DDX47: variants seen among roughly 807,000 people sequenced by gnomAD.
DDX47 encodes DEAD-box helicase 47, also known as probable ATP-dependent RNA helicase DDX47.
In DDX47, 60 loss-of-function variants were observed where a neutral mutation model predicts 58.8. The ratio of observed to expected loss-of-function variants is 1.02; its 90% CI spans 0.83 to 1.26. DDX47 has a LOEUF of 1.26. Among genes scored for constraint, DDX47 ranks in the 50% most tolerant of loss-of-function variants. The pLI is 0.00. For missense variants in DDX47, 530 were observed against 573.2 expected (o/e 0.92, Z 0.77); for synonymous variants, 197 against 204.6 (o/e 0.96, Z 0.32).
chr12:12,817,686 T>C (rs1030593131), intron 2 of DDX47, among the ~76,000 whole-genome samples: 3 of 152,252 alleles, frequency 2.0e-5, no homozygotes, highest in East Asian at 3.8e-4. Flanking sequence ...TCTGCTCTTA[T>C]GGAGTTTATG....
At chr12:12,827,961 C>A (rs559061927) in intron 11 of DDX47, among the ~76,000 whole-genome samples, 6 of 148,978 alleles carry the variant, frequency 4.0e-5, no homozygotes, top group Non-Finnish European at 7.4e-5. Flanking sequence ...CCACAACCTC[C>A]GCCTCCCGGG....
At chr12:12,816,240 C>T (rs1021741150) in intron 2 of DDX47, among the ~76,000 whole-genome samples, 5 of 152,150 alleles carry the variant, frequency 3.3e-5, no homozygotes, top group Admixed American at 1.3e-4. Flanking sequence ...GCTCAGGGTA[C>T]GGTTTCAGTT....
At position 12,813,413 on chromosome 12, in the gene DDX47, C is replaced by A. The variant is rs1426279313; in HGVS notation, c.46C>A (p.Pro16Thr). 1 of 1,613,442 alleles carries A rather than the reference C, an allele frequency of 6.2e-7. No homozygotes were observed. The highest frequency in any genetic ancestry group is 8.5e-7 in the Non-Finnish European group (1 of 1,179,692). Residue 16 changes from proline to threonine, a missense_variant, in exon 1 of 12, where the codon CCG (proline) becomes ACG (threonine). Coordinates refer to ENST00000358007, the MANE Select transcript of DDX47 (RefSeq NM_016355.4). ...EHDSPTEASQ[P>T]IVEEEETKTF... ...CGATTCTCCGACCGAAGCGTCCCAG[C>A]CGATTGTGGAAGAGGAGGAAACTAA...
Position 12,823,367 on chromosome 12 carries a change from C to T in DDX47, c.750+48C>T, listed in dbSNP as rs201082954. 72 of 1,125,936 alleles carry T rather than the reference C, an allele frequency of 6.4e-5. No homozygotes were observed. The East Asian group carries it at 1.6e-3, about 25-fold the overall frequency. 69.7% of individuals were successfully genotyped at this position (1,125,936 alleles called of 1,614,324 possible). ...TCCTGCCTCTCCCTCTTCTTTTCAC[C>T]AAAGCATCTGAAAATGTGTCAACTC... On this transcript the variant is annotated intron_variant, in intron 7 of 11. Coordinates refer to ENST00000358007, the MANE Select transcript of DDX47 (RefSeq NM_016355.4).
intron 2 of DDX47, among the ~76,000 whole-genome samples, chr12:12,819,050 G>GT (rs1016194678): frequency 2.6e-5 from 4 of 152,176 alleles, no homozygotes; most frequent in African/African-American, 9.7e-5. Flanking sequence ...ACTGATTAAT[G>GT]TTTAAGAGGT....
intron 11 of DDX47, among the ~76,000 whole-genome samples, chr12:12,828,191 G>T (rs77234621): frequency 0.027 from 4,035 of 152,130 alleles, 188 homozygotes; most frequent in African/African-American, 0.091. Flanking sequence ...AAGGATTGCC[G>T]CAAGTGGAAA....
At chr12:12,822,758 C>A (rs1862992761) in intron 6 of DDX47, 26 bp downstream of exon 6, 30 of 1,583,754 alleles carry the variant, frequency 1.9e-5, no homozygotes, top group Non-Finnish European at 2.5e-5. Context: ...ACTTTTGTTT[C>A]TTCTTTATGA....
In DDX47 at chr12:12,822,026, CAAATACTT is replaced by C. The variant is rs1195621423; in HGVS notation, c.505_512del (p.Lys169GlyfsTer4). The C allele has an allele frequency of 1.2e-6, 2 of 1,613,982 alleles. No individual in the cohort carries two copies. The highest frequency in any genetic ancestry group is 2.2e-5 in the South Asian group (2 of 91,068). On this transcript the variant is annotated frameshift_variant, in exon 5 of 12. Coordinates refer to ENST00000358007, the MANE Select transcript of DDX47 (RefSeq NM_016355.4). LOFTEE classifies it high-confidence loss of function. ...CGAAAGGTTTCAACTTGAGAGCTCT[CAAATACTT>C]GGTCATGGATGAAGCCGACCGAATA...
intron 2 of DDX47, among the ~76,000 whole-genome samples, chr12:12,818,451 G>A (rs1295371709): frequency 2.0e-5 from 3 of 151,976 alleles, no homozygotes; most frequent in Admixed American, 6.6e-5. Flanking sequence ...AACCCAGGAG[G>A]CGGAGCTTGC....
intron 9 of DDX47, 41 bp from the exon 10 acceptor site, chr12:12,825,959 T>G (rs367616019): frequency 1.3e-4 from 199 of 1,524,134 alleles, no homozygotes; most frequent in Non-Finnish European, 1.7e-4. Context: ...TTTAAACTTA[T>G]AATCCATATA....
chr12:12,827,817 G>A (rs1863075622), intron 11 of DDX47, among the ~76,000 whole-genome samples: 1 of 149,786 alleles, frequency 6.7e-6, no homozygotes, highest in South Asian at 2.1e-4. Flanking sequence ...AGTAGGGGTT[G>A]ATCATACCTA....
Position 12,822,752 on chromosome 12 carries a change from T to C in DDX47, c.633+20T>C, listed in dbSNP as rs1862992695. The C allele has an allele frequency of 6.3e-7, 1 of 1,596,042 alleles. No individual in the cohort carries two copies. Among genetic ancestry groups the C allele is most frequent in the Non-Finnish European group, 8.6e-7 (1 of 1,164,070 alleles). On this transcript the variant is annotated intron_variant, in intron 6 of 11. Transcript: ENST00000358007. Reference sequence around the variant, plus strand: ...AAGAAGGTGAAATTTGCTAGGACTTTTGTTTCTTCTTTATGAGAATTGATA... The same window carrying C: ...AAGAAGGTGAAATTTGCTAGGACTTCTGTTTCTTCTTTATGAGAATTGATA...
intron 10 of DDX47, chr12:12,826,353 A>T (rs2136425687): frequency 4.2e-6 from 1 of 239,668 alleles, no homozygotes; most frequent in African/African-American, 2.2e-5. Flanking sequence ...TATTAGAATA[A>T]CTATTTCCAA....
chr12:12,813,437 A>G lies in DDX47; in HGVS notation c.70A>G (p.Lys24Glu), dbSNP rs768267921. 49 of 1,611,484 alleles carry G rather than the reference A, an allele frequency of 3.0e-5. No homozygotes were observed. Among genetic ancestry groups the G allele is most frequent in the Non-Finnish European group, 3.9e-5 (46 of 1,178,882 alleles). The change falls in exon 1 of 12, where the codon AAA becomes GAA. Residue 24 changes from lysine (K) to glutamate (E), a missense_variant. Coordinates refer to ENST00000358007, the MANE Select transcript of DDX47 (RefSeq NM_016355.4). ...GCCGATTGTGGAAGAGGAGGAAACT[A>G]AAACATTTAAAGACCTGGTGAGAAT... ...SQPIVEEEET[K>E]TFKDLGVTDV... is the part of the protein sequence containing the mutation.
intron 4 of DDX47, 57 bp downstream of exon 4, chr12:12,821,783 C>G: frequency 1.4e-6 from 2 of 1,415,834 alleles, no homozygotes; most frequent in Non-Finnish European, 2.0e-6. Context: ...GAAAATCTAC[C>G]AGTGTTGGAT....
At chr12:12,822,962 A>C (rs2136423239) in intron 6 of DDX47, among the ~76,000 whole-genome samples, 1 of 152,330 alleles carries the variant, frequency 6.6e-6, no homozygotes, top group Non-Finnish European at 1.5e-5. Context: ...AGGGGAAGCA[A>C]GGCAGGAGGT....
rs1592323106 is a variant in DDX47, at chr12:12,821,814, A to G, written c.442+88A>G. ...TGGATAGAAAGACTTTGAGAAACAGATTTTGTAACCCTGTTAAATTTTTTA... is the reference window on the plus strand; with the variant it reads ...TGGATAGAAAGACTTTGAGAAACAGGTTTTGTAACCCTGTTAAATTTTTTA... On this transcript the variant is annotated intron_variant, in intron 4 of 11. Transcript: ENST00000358007. 5 of 1,294,416 alleles carry G rather than the reference A, an allele frequency of 3.9e-6. 1 individual carries two copies. The South Asian group carries it at 6.3e-5, about 16-fold the overall frequency. 80.2% of individuals were successfully genotyped at this position (1,294,416 alleles called of 1,614,324 possible). A position where few individuals can be genotyped will look rare whatever the true frequency, so the allele number is the denominator to read the frequency against.
At chr12:12,820,459 A>G (rs1216298698) in intron 2 of DDX47, 2 of 152,332 alleles carry the variant, frequency 1.3e-5, no homozygotes, top group African/African-American at 4.8e-5. Context: ...TCTGTGTTCC[A>G]GCCACATTGT....
At chr12:12,818,208 TTGTC>T (rs929152137) in intron 2 of DDX47, among the ~76,000 whole-genome samples, 5 of 152,278 alleles carry the variant, frequency 3.3e-5, no homozygotes, top group Admixed American at 2.6e-4. Flanking sequence ...GGATTGTCAT[TTGTC>T]TGTAATCTTT....
Sources: allele counts gnomAD v4.1 joint callset (sites outside exome capture counted in the v4.1 genomes callset), GRCh38; gene constraint gnomAD v4.1.1; transcripts MANE v1.5; gene names NCBI Gene and HGNC (gene_info 2026-07-23, HGNC 2026-07-21).